Variants in NDFIP1 observed in about 807,000 individuals in gnomAD.
The protein encoded by NDFIP1 is NEDD4 family-interacting protein 1.
In NDFIP1, 7 loss-of-function variants were observed where a neutral mutation model predicts 28.8. That is an observed-to-expected ratio of 0.24 (90% CI 0.14 to 0.46). NDFIP1 has a LOEUF of 0.46. Ranked by LOEUF, NDFIP1 falls within the 20% of genes least tolerant of loss-of-function variation. The pLI is 0.99. For synonymous variants in NDFIP1, 92 were observed against 101.0 expected (o/e 0.91, Z 0.53); for missense variants, 194 against 269.1 (o/e 0.72, Z 1.95).
chr5:142,144,083 C>A (rs1439758797), intron 6 of NDFIP1: 2 of 152,034 alleles, frequency 1.3e-5, no homozygotes, highest in Non-Finnish European at 2.9e-5. Flanking sequence ...ATAAGGGGAT[C>A]CTGACATCTA....
intron 1 of NDFIP1, among the ~76,000 whole-genome samples, chr5:142,121,305 A>T (rs937484082): frequency 6.6e-6 from 1 of 152,194 alleles, no homozygotes; most frequent in African/African-American, 2.4e-5. Flanking sequence ...AAAGAGATAA[A>T]GGTTGGAGAT....
chr5:142,115,763 T>A (rs148215266), intron 1 of NDFIP1, among the ~76,000 whole-genome samples: 2 of 152,276 alleles, frequency 1.3e-5, no homozygotes, highest in Non-Finnish European at 2.9e-5. Context: ...CAGTGGTAAT[T>A]GCTTCTAGTG....
intron 7 of NDFIP1, among the ~76,000 whole-genome samples, chr5:142,148,543 A>G: frequency 6.6e-6 from 1 of 151,884 alleles, no homozygotes; most frequent in African/African-American, 2.4e-5. Flanking sequence ...CTGAGGTTAG[A>G]AGTTTGAGAC....
chr5:142,127,265 C>G (rs905556060), intron 1 of NDFIP1, among the ~76,000 whole-genome samples: 2 of 152,186 alleles, frequency 1.3e-5, no homozygotes, highest in African/African-American at 4.8e-5. Flanking sequence ...ATCCGCCCAC[C>G]TCAGCCTCCC....
At chr5:142,114,138 C>A (rs758202910) in intron 1 of NDFIP1, among the ~76,000 whole-genome samples, 2 of 152,198 alleles carry the variant, frequency 1.3e-5, no homozygotes, top group African/African-American at 2.4e-5. Context: ...ATACTGTTTT[C>A]CATGGCAGCT....
At chr5:142,138,746 A>G (rs988230458) in intron 5 of NDFIP1, among the ~76,000 whole-genome samples, 4 of 152,222 alleles carry the variant, frequency 2.6e-5, no homozygotes, top group African/African-American at 9.6e-5. Context: ...CGAGCCCTAA[A>G]GAGGTTTTCA....
chr5:142,123,484 C>CT (rs1003123391), intron 1 of NDFIP1, among the ~76,000 whole-genome samples: 1 of 151,942 alleles, frequency 6.6e-6, no homozygotes, highest in Admixed American at 6.6e-5. Context: ...TCTTTTGTGA[C>CT]TTTTTTTTCT....
At chr5:142,135,373 T>C (rs994526262) in intron 3 of NDFIP1, among the ~76,000 whole-genome samples, 1 of 152,208 alleles carries the variant, frequency 6.6e-6, no homozygotes, top group African/African-American at 2.4e-5. Flanking sequence ...AAATTTTGTC[T>C]TTTGTCTTTT....
At chr5:142,131,494 A>G (rs1378005917) in intron 1 of NDFIP1, among the ~76,000 whole-genome samples, 3 of 152,098 alleles carry the variant, frequency 2.0e-5, no homozygotes, top group African/African-American at 7.2e-5. Flanking sequence ...AGGATGGCAA[A>G]ATTTAATTTT....
In NDFIP1 at chr5:142,131,978, A is replaced by G. The variant is rs1596789280; in HGVS notation, c.151+83A>G. ...TACAGTTTAAAAAAAAAAAAGCTTC[A>G]GAAGCAGTTGGAAGAAAGGTTACAA... is the stretch of plus-strand genomic sequence containing the variant. On this transcript the variant is annotated intron_variant, in intron 2 of 7. Transcript: ENST00000253814. 8.2e-6 allele frequency: 11 copies of G among 1,349,148 alleles called. No individual in the cohort carries two copies. In the East Asian group the frequency reaches 2.4e-4, roughly 29 times the overall value. 83.6% of individuals were successfully genotyped at this position (1,349,148 alleles called of 1,614,324 possible). A position where few individuals can be genotyped will look rare whatever the true frequency, so the allele number is the denominator to read the frequency against.
chr5:142,145,791 T>C (rs1162431086), intron 7 of NDFIP1, among the ~76,000 whole-genome samples: 1 of 152,138 alleles, frequency 6.6e-6, no homozygotes, highest in Admixed American at 6.5e-5. Flanking sequence ...AACCATGAAA[T>C]TGATAGAGCC....
At chr5:142,140,738 CAATT>C (rs1757318767) in intron 6 of NDFIP1, 109 bp downstream of exon 6, 8 of 781,890 alleles carry the variant, frequency 1.0e-5, no homozygotes, top group Middle Eastern at 3.8e-4. Context: ...AATATATTAA[CAATT>C]AATAATAAAC....
At chr5:142,145,488 A>G (rs568151179) in intron 7 of NDFIP1, among the ~76,000 whole-genome samples, 18 of 152,264 alleles carry the variant, frequency 1.2e-4, no homozygotes, top group African/African-American at 3.6e-4. Flanking sequence ...TGTGTTAATC[A>G]TAGAGTGGAA....
At chr5:142,125,230 G>C (rs1466092665) in intron 1 of NDFIP1, among the ~76,000 whole-genome samples, 1 of 152,082 alleles carries the variant, frequency 6.6e-6, no homozygotes, top group Non-Finnish European at 1.5e-5. Flanking sequence ...CGATCCCTTC[G>C]TAAGTTGATG....
At chr5:142,148,258 A>G (rs1375098432) in intron 7 of NDFIP1, among the ~76,000 whole-genome samples, 1 of 152,174 alleles carries the variant, frequency 6.6e-6, no homozygotes, top group East Asian at 1.9e-4. Flanking sequence ...CCTCCTTCTA[A>G]TCAGTCAAAG....
At chr5:142,142,518 A>G (rs1356977620) in intron 6 of NDFIP1, among the ~76,000 whole-genome samples, 1 of 152,218 alleles carries the variant, frequency 6.6e-6, no homozygotes, top group African/African-American at 2.4e-5. Context: ...TGCTTATGGC[A>G]TAAATAATTT....
In NDFIP1 at chr5:142,153,831, C is replaced by G. The variant is rs554078479; in HGVS notation, c.*2103C>G. On this transcript the variant is annotated 3_prime_UTR_variant, in exon 8 of 8. Transcript: ENST00000253814. ...GTAGACTAGCTTTGTGTTTATTCTT[C>G]AGGTCCTTGCGCCTTATTTGGTTTT... is the stretch of plus-strand genomic sequence containing the variant. 6.5e-4 allele frequency: 101 copies of G among 154,816 alleles called. 1 individual carries two copies. Among genetic ancestry groups the G allele is most frequent in the Non-Finnish European group, 7.6e-4 (53 of 69,456 alleles). 9.6% of individuals were successfully genotyped at this position (154,816 alleles called of 1,614,324 possible).
intron 6 of NDFIP1, among the ~76,000 whole-genome samples, chr5:142,141,455 C>T (rs946022350): frequency 2.0e-5 from 3 of 151,922 alleles, no homozygotes; most frequent in African/African-American, 7.2e-5. Flanking sequence ...GGATTACAGG[C>T]CTGAGCCACC....
chr5:142,153,405 A>G lies in NDFIP1; in HGVS notation c.*1677A>G, dbSNP rs1427392032. ...ATGTATATCCAGAATCAGCATAGGAAGTCGTTCAGGATATCAGTATATAAT... is the reference window on the plus strand; with the variant it reads ...ATGTATATCCAGAATCAGCATAGGAGGTCGTTCAGGATATCAGTATATAAT... On this transcript the variant is annotated 3_prime_UTR_variant, in exon 8 of 8. Transcript: ENST00000253814. 4.4e-6 allele frequency: 2 copies of G among 457,096 alleles called. No individual in the cohort carries two copies. The highest frequency in any genetic ancestry group is 6.5e-4 in the Middle Eastern group (2 of 3,078). The allele number at this position is 457,096 out of a possible 1,614,324, so 28.3% of individuals were successfully genotyped here.
Sources: gnomAD v4.1 joint callset for allele counts (sites outside exome capture counted in the v4.1 genomes callset) on GRCh38, gnomAD v4.1.1 for gene constraint, MANE v1.5 for transcripts, NCBI Gene and HGNC (gene_info 2026-07-23, HGNC 2026-07-21) for gene names.